Variants in ULK4 observed in about 807,000 individuals in gnomAD.
ULK4 encodes inactive serine/threonine-protein kinase ULK4.
A neutral mutation model predicts 160.6 loss-of-function variants in ULK4; 133 were observed. The ratio of observed to expected loss-of-function variants is 0.83; its 90% confidence interval spans 0.72 to 0.96. The LOEUF is 0.96. Among genes scored for constraint, ULK4 ranks in the 40% least tolerant of loss-of-function variants. The pLI, the probability that ULK4 is intolerant of heterozygous loss-of-function variation, is 0.00. For missense variants in ULK4, 1,580 were observed against 1,499.5 expected, an observed-to-expected ratio of 1.05 and a Z score of -0.89; for synonymous variants, 534 against 539.8, an observed-to-expected ratio of 0.99 and a Z score of 0.15.
At chr3:41,511,960 C>A (rs892075594) in intron 32 of ULK4, among the ~76,000 whole-genome samples, 1 of 152,166 alleles carries the variant, frequency 6.6e-6, no homozygotes, top group Non-Finnish European at 1.5e-5. Context: ...ACCAGGGACA[C>A]AGGGATGGTT....
At chr3:41,684,204 A>G (rs1374205012) in intron 27 of ULK4, among the ~76,000 whole-genome samples, 2 of 152,226 alleles carry the variant, frequency 1.3e-5, no homozygotes, top group African/African-American at 4.8e-5. Context: ...GCTACACAGA[A>G]AGGCAACCCA....
intron 30 of ULK4, among the ~76,000 whole-genome samples, chr3:41,655,505 T>C (rs886885389): frequency 9.2e-5 from 14 of 152,110 alleles, no homozygotes. Flanking sequence ...TGTGCACATG[T>C]ACACTACAAC....
chr3:41,383,887 G>C (rs2081734666), intron 35 of ULK4, among the ~76,000 whole-genome samples: 2 of 152,180 alleles, frequency 1.3e-5, no homozygotes, highest in African/African-American at 4.8e-5. Flanking sequence ...ACCAAGAATA[G>C]TAGATTGGTC....
chr3:41,664,143 T>C (rs2035278304), intron 29 of ULK4, among the ~76,000 whole-genome samples: 1 of 152,182 alleles, frequency 6.6e-6, no homozygotes, highest in Non-Finnish European at 1.5e-5. Context: ...AATATTGCTG[T>C]TGGGAAGATT....
chr3:41,787,888 T>C (rs918859889), intron 21 of ULK4, among the ~76,000 whole-genome samples: 2 of 152,232 alleles, frequency 1.3e-5, no homozygotes, highest in African/African-American at 4.8e-5. Context: ...CCTATTTTAC[T>C]GCTTTTGTGA....
chr3:41,319,268 A>T (rs986974318), intron 35 of ULK4, among the ~76,000 whole-genome samples: 1 of 151,816 alleles, frequency 6.6e-6, no homozygotes, highest in African/African-American at 2.4e-5. Context: ...TGTGACTTAA[A>T]CTCTTCAACT....
chr3:41,338,784 G>T (rs556527608), intron 35 of ULK4, among the ~76,000 whole-genome samples: 5 of 151,458 alleles, frequency 3.3e-5, no homozygotes, highest in Admixed American at 6.6e-5. Flanking sequence ...ATATATATAT[G>T]ATATACATAT....
At chr3:41,772,071 A>T (rs959662950) in intron 21 of ULK4, among the ~76,000 whole-genome samples, 4 of 152,192 alleles carry the variant, frequency 2.6e-5, no homozygotes, top group Non-Finnish European at 4.4e-5. Context: ...CATTTAAAGC[A>T]CTGTGTAGAG....
intron 34 of ULK4, among the ~76,000 whole-genome samples, chr3:41,429,516 G>C (rs979868092): frequency 2.0e-5 from 3 of 152,182 alleles, no homozygotes; most frequent in African/African-American, 4.8e-5. Context: ...CCATCAGTGA[G>C]ACTGGATAAA....
intron 17 of ULK4, among the ~76,000 whole-genome samples, chr3:41,837,898 A>G (rs1872073): frequency 1.3e-5 from 2 of 152,180 alleles, no homozygotes; most frequent in Admixed American, 1.3e-4. Flanking sequence ...ATTCTATTGT[A>G]TGGATGTACC....
At chr3:41,556,575 C>T (rs143031218) in intron 32 of ULK4, among the ~76,000 whole-genome samples, 3,043 of 150,392 alleles carry the variant, frequency 0.02, 108 homozygotes, top group African/African-American at 0.072. Flanking sequence ...GCAACCTCCA[C>T]CTCCTGGGTT....
intron 2 of ULK4, among the ~76,000 whole-genome samples, chr3:41,945,449 A>G (rs1260652069): frequency 6.6e-6 from 1 of 152,070 alleles, no homozygotes; most frequent in Non-Finnish European, 1.5e-5. Flanking sequence ...AAGCAAACCA[A>G]TTCACAGTTA....
chr3:41,907,888 T>G lies in ULK4; in HGVS notation c.1139A>C (p.Asp380Ala). 6.2e-7 allele frequency: 1 copy of G among 1,605,126 alleles called. No homozygotes were observed. The highest frequency in any genetic ancestry group is 8.5e-7 in the Non-Finnish European group (1 of 1,176,284). Reference protein sequence around the residue: ...STAVEVSPGEDMTHCSPQKTS... With the variant: ...STAVEVSPGEAMTHCSPQKTS... ...CTTCTGTGGTGAACAGTGAGTCATA[T>G]CCTCACCAGGACTTACTTCCACTGC... The change falls in exon 12 of 37, where the codon GAT becomes GCT. Residue 380 changes from aspartate to alanine, a missense_variant. By Grantham distance (126) the Asp-to-Ala change is moderately radical (BLOSUM62 -2). Transcript: ENST00000301831.
intron 21 of ULK4, among the ~76,000 whole-genome samples, chr3:41,764,531 G>C (rs1438840824): frequency 6.6e-6 from 1 of 152,196 alleles, no homozygotes. Flanking sequence ...GATTGTTCAA[G>C]ACTATCCTGG....
At chr3:41,605,432 C>T (rs2032330508) in intron 31 of ULK4, among the ~76,000 whole-genome samples, 1 of 151,428 alleles carries the variant, frequency 6.6e-6, no homozygotes, top group Non-Finnish European at 1.5e-5. Context: ...CTCACACTAA[C>T]CAAAAAAAGC....
intron 35 of ULK4, among the ~76,000 whole-genome samples, chr3:41,307,069 G>A (rs2079958189): frequency 6.6e-6 from 1 of 150,880 alleles, no homozygotes; most frequent in South Asian, 2.1e-4. Context: ...TTGTTTATCT[G>A]CTGACCTTCC....
At chr3:41,428,302 T>C (rs1277944534) in intron 34 of ULK4, among the ~76,000 whole-genome samples, 1 of 152,186 alleles carries the variant, frequency 6.6e-6, no homozygotes, top group Non-Finnish European at 1.5e-5. Flanking sequence ...TCCATGCTCA[T>C]GGATATGAAG....
intron 30 of ULK4, among the ~76,000 whole-genome samples, chr3:41,649,334 C>T (rs1162223632): frequency 6.6e-6 from 1 of 152,136 alleles, no homozygotes; most frequent in African/African-American, 2.4e-5. Flanking sequence ...GAGGCAGGAA[C>T]AGGCAGGAGC....
At chr3:41,767,839 G>A (rs2039218223) in intron 21 of ULK4, among the ~76,000 whole-genome samples, 3 of 151,830 alleles carry the variant, frequency 2.0e-5, no homozygotes, top group Admixed American at 6.6e-5. Context: ...CAGCTGTTAC[G>A]TCTCAAGAAA....
Sources: allele counts gnomAD v4.1 joint callset (sites outside exome capture counted in the v4.1 genomes callset), GRCh38; gene constraint gnomAD v4.1.1; transcripts MANE v1.5; gene names NCBI Gene and HGNC (gene_info 2026-07-23, HGNC 2026-07-21).